SPAG16: variants seen among roughly 807,000 people sequenced by gnomAD.
SPAG16 encodes sperm associated antigen 16, also known as sperm-associated antigen 16 protein.
In SPAG16, 86 loss-of-function variants were observed where a neutral mutation model predicts 80.4. That is an observed-to-expected ratio of 1.07 (90% CI 0.90 to 1.28). SPAG16 has a LOEUF of 1.28. Ranked by LOEUF, SPAG16 falls within the 50% of genes most tolerant of loss-of-function variation. The pLI is 0.00. For missense variants in SPAG16, 870 were observed against 765.3 expected, an observed-to-expected ratio of 1.14 and a Z score of -1.61; for synonymous variants, 294 against 265.9, an observed-to-expected ratio of 1.11 and a Z score of -1.03.
At chr2:214,392,534 T>C (rs1373366178) in intron 15 of SPAG16, among the ~76,000 whole-genome samples, 2 of 152,092 alleles carry the variant, frequency 1.3e-5, no homozygotes, top group Admixed American at 1.3e-4. Flanking sequence ...AGCCCTTGTT[T>C]GGGAGGTAGA....
At chr2:213,728,493 G>C (rs962672001) in intron 10 of SPAG16, among the ~76,000 whole-genome samples, 2 of 152,156 alleles carry the variant, frequency 1.3e-5, no homozygotes, top group Admixed American at 1.3e-4. Context: ...AAAAGGAAAT[G>C]GGTTTTAGAG....
chr2:213,651,170 A>C (rs964622503), intron 10 of SPAG16, among the ~76,000 whole-genome samples: 4 of 152,172 alleles, frequency 2.6e-5, no homozygotes, highest in Non-Finnish European at 5.9e-5. Flanking sequence ...ACAAACACAC[A>C]CAACTTGTTA....
In SPAG16 at chr2:213,707,764, A is replaced by G. The variant is rs530926116; in HGVS notation, c.1071-154721A>G. Among the ~76,000 whole-genome samples the G allele has an allele frequency of 1.5e-3, 233 of 152,192 alleles. 2 individuals carry two copies. The highest frequency in any genetic ancestry group is 1.6e-4 in the Non-Finnish European group (11 of 68,010). Reference sequence around the variant, plus strand: ...TAATTTTCTAAGGTGATGGAAAAAAATCTAATAAACTCACCTATAATTACT... The same window carrying G: ...TAATTTTCTAAGGTGATGGAAAAAAGTCTAATAAACTCACCTATAATTACT... On this transcript the variant is annotated intron_variant, in intron 10 of 15. Transcript: ENST00000331683.
At chr2:213,338,428 A>G (rs1358536543) in intron 5 of SPAG16, among the ~76,000 whole-genome samples, 1 of 152,242 alleles carries the variant, frequency 6.6e-6, no homozygotes, top group Non-Finnish European at 1.5e-5. Flanking sequence ...GGCAAGCTGG[A>G]TAGAGGCAAG....
chr2:213,965,033 A>C (rs763906509), intron 12 of SPAG16, among the ~76,000 whole-genome samples: 1 of 152,176 alleles, frequency 6.6e-6, no homozygotes, highest in Non-Finnish European at 1.5e-5. Flanking sequence ...TGGACATTTT[A>C]GAAAATACAA....
chr2:214,111,272 T>C (rs1046989428), intron 14 of SPAG16, among the ~76,000 whole-genome samples: 2 of 152,244 alleles, frequency 1.3e-5, no homozygotes, highest in Non-Finnish European at 2.9e-5. Flanking sequence ...AGGTCTAACA[T>C]TGAAGTCTTT....
chr2:214,025,980 A>G (rs1176157219), intron 13 of SPAG16, among the ~76,000 whole-genome samples: 1 of 151,570 alleles, frequency 6.6e-6, no homozygotes, highest in Non-Finnish European at 1.5e-5. Flanking sequence ...TCCAAGAAAT[A>G]TTCTTTTGAA....
intron 9 of SPAG16, among the ~76,000 whole-genome samples, chr2:213,449,318 G>T (rs1275583869): frequency 3.3e-5 from 5 of 152,208 alleles, no homozygotes; most frequent in Admixed American, 3.3e-4. Flanking sequence ...CTTATCAATG[G>T]CTCTGCTTTT....
At chr2:214,190,923 T>C (rs1470543301) in intron 15 of SPAG16, among the ~76,000 whole-genome samples, 14 of 152,160 alleles carry the variant, frequency 9.2e-5, no homozygotes, top group Admixed American at 9.2e-4. Flanking sequence ...CAGCCTGAGC[T>C]AAGATAGAAA....
At chr2:213,345,783 G>A (rs2064943886) in intron 6 of SPAG16, among the ~76,000 whole-genome samples, 1 of 151,888 alleles carries the variant, frequency 6.6e-6, no homozygotes. Flanking sequence ...GGTTACTGTA[G>A]CCTTGTAGTG....
intron 4 of SPAG16, among the ~76,000 whole-genome samples, chr2:213,316,147 C>T (rs879738478): frequency 6.6e-6 from 1 of 151,946 alleles, no homozygotes; most frequent in African/African-American, 2.4e-5. Context: ...ACATTTAACA[C>T]GAATGGAAAC....
chr2:213,882,529 C>A (rs2076384003), intron 11 of SPAG16, among the ~76,000 whole-genome samples: 1 of 152,150 alleles, frequency 6.6e-6, no homozygotes, highest in East Asian at 1.9e-4. Flanking sequence ...CTGGTTCAAT[C>A]TTGGGAGATT....
At chr2:214,203,672 C>T (rs941478487) in intron 15 of SPAG16, among the ~76,000 whole-genome samples, 2 of 152,142 alleles carry the variant, frequency 1.3e-5, no homozygotes, top group African/African-American at 2.4e-5. Context: ...CCTGTGGACA[C>T]TCGCGGTCCC....
At chr2:213,692,634 C>T (rs2064989173) in intron 10 of SPAG16, among the ~76,000 whole-genome samples, 1 of 151,896 alleles carries the variant, frequency 6.6e-6, no homozygotes, top group Non-Finnish European at 1.5e-5. Flanking sequence ...CACGGTGAAA[C>T]CCCGACTCTA....
At chr2:214,050,129 G>T (rs915736923) in intron 13 of SPAG16, among the ~76,000 whole-genome samples, 1 of 152,018 alleles carries the variant, frequency 6.6e-6, no homozygotes, top group Non-Finnish European at 1.5e-5. Flanking sequence ...AGTGGGAAGA[G>T]GCGAGAAGTG....
At chr2:213,794,199 TA>T (rs1301479732) in intron 10 of SPAG16, among the ~76,000 whole-genome samples, 45 of 152,272 alleles carry the variant, frequency 3.0e-4, no homozygotes, top group African/African-American at 1.0e-3. Flanking sequence ...TGTTGTATTC[TA>T]AAAAGACTCG....
chr2:214,377,326 G>A (rs1204544628), intron 15 of SPAG16, among the ~76,000 whole-genome samples: 1 of 152,132 alleles, frequency 6.6e-6, no homozygotes, highest in African/African-American at 2.4e-5. Flanking sequence ...GTTCTCCCAG[G>A]AAGCAGAGAA....
At chr2:213,289,037 G>A (rs955169289) in intron 1 of SPAG16, among the ~76,000 whole-genome samples, 6 of 152,208 alleles carry the variant, frequency 3.9e-5, no homozygotes, top group Admixed American at 1.3e-4. Flanking sequence ...GTTTTGCTCT[G>A]TGTCCTTTAG....
chr2:214,211,836 A>G (rs531008643), intron 15 of SPAG16, among the ~76,000 whole-genome samples: 1 of 152,274 alleles, frequency 6.6e-6, no homozygotes, highest in South Asian at 2.1e-4. Context: ...CAATATGATC[A>G]GAGTAAAATC....
Sources: allele counts gnomAD v4.1 joint callset (sites outside exome capture counted in the v4.1 genomes callset), GRCh38; gene constraint gnomAD v4.1.1; transcripts MANE v1.5; gene names NCBI Gene and HGNC (gene_info 2026-07-23, HGNC 2026-07-21).